The following MYH2 variants were observed in gnomAD, a reference collection of about 807,000 sequenced individuals.
MYH2 encodes myosin heavy chain 2.
MYH2 carries 139 observed loss-of-function variants against 228.1 expected under a neutral mutation model. That is an observed-to-expected ratio of 0.61 (90% CI 0.53 to 0.70). The LOEUF (loss-of-function observed/expected upper bound fraction) is 0.70, where lower values mean the gene tolerates loss of function less well. Among genes scored for constraint, MYH2 ranks in the 30% least tolerant of loss-of-function variants. MYH2 has a pLI of 0.00. For synonymous variants in MYH2, 796 were observed against 871.1 expected, an observed-to-expected ratio of 0.91 and a Z score of 1.52; for missense variants, 1,809 against 2,357.5, an observed-to-expected ratio of 0.77 and a Z score of 4.82.
intron 23 of MYH2, 28 bp from the exon 24 acceptor site, chr17:10,529,768 T>A: frequency 6.2e-7 from 1 of 1,614,090 alleles, no homozygotes; most frequent in Non-Finnish European, 8.5e-7. Context: ...GCAGTTTAGT[T>A]GCTATAAAGC....
At position 10,531,869 on chromosome 17, in the gene MYH2, G is replaced by T; in HGVS notation, c.2461C>A (p.Gln821Lys). The T allele has an allele frequency of 6.2e-7, 1 of 1,614,068 alleles. No individual in the cohort carries two copies. The highest frequency in any genetic ancestry group is 1.1e-5 in the South Asian group (1 of 91,086). ...TTCATGAAGGATCTGATATTGTACTGGATACAGAAGATGGCCTCCCTGAAA... is the reference window on the plus strand; with the variant it reads ...TTCATGAAGGATCTGATATTGTACTTGATACAGAAGATGGCCTCCCTGAAA... ...VERREAIFCI[Q>K]YNIRSFMNVK... The change falls in exon 22 of 40, where the codon CAG becomes AAG. Residue 821 changes from glutamine to lysine, a missense_variant. Physicochemically the swap from Gln to Lys is moderately conservative, Grantham distance 53. Coordinates refer to ENST00000245503, the MANE Select transcript of MYH2 (RefSeq NM_017534.6).
chr17:10,525,880 G>T lies in MYH2; in HGVS notation c.4188-4C>A, dbSNP rs770677072. 1 of 1,613,906 alleles carries T rather than the reference G, an allele frequency of 6.2e-7. No homozygotes were observed. The highest frequency in any genetic ancestry group is 2.2e-5 in the East Asian group (1 of 44,872). On this transcript the variant is annotated splice_polypyrimidine_tract_variant and splice_region_variant and intron_variant, in intron 30 of 39. Coordinates refer to ENST00000245503, the MANE Select transcript of MYH2 (RefSeq NM_017534.6). This position sits in a 1 kb window ranked among gnomAD's most constrained non-coding sequence, Gnocchi z 4.2. ...CAGCCGCTGGGCCAGCTTCTTCCTT[G>T]AATATTATACATGTTTTCAGAGAGA... is the stretch of plus-strand genomic sequence containing the variant.
intron 10 of MYH2, among the ~76,000 whole-genome samples, chr17:10,541,776 C>A (rs2073558641): frequency 6.6e-6 from 1 of 152,176 alleles, no homozygotes; most frequent in African/African-American, 2.4e-5. Flanking sequence ...TGTACTCTTT[C>A]CCTTTATTTC....
chr17:10,541,180 A>C (rs1413842262), intron 10 of MYH2, among the ~76,000 whole-genome samples: 1 of 152,234 alleles, frequency 6.6e-6, no homozygotes, highest in African/African-American at 2.4e-5. Context: ...TCAGGGAACA[A>C]GGGAGATAAC....
intron 4 of MYH2, among the ~76,000 whole-genome samples, chr17:10,546,286 T>TATATATATATATAC (rs2073630864): frequency 7.1e-6 from 1 of 140,234 alleles, no homozygotes; most frequent in Non-Finnish European, 1.5e-5. Context: ...TATATATATA[T>TATATATATATATAC]ATACATCATG....
Position 10,530,008 on chromosome 17 carries a change from C to G in MYH2, c.2764G>C (p.Glu922Gln), listed in dbSNP as rs945784307. 6.2e-7 allele frequency: 1 copy of G among 1,614,042 alleles called. No individual in the cohort carries two copies. Among genetic ancestry groups the G allele is most frequent in the East Asian group, 2.2e-5 (1 of 44,890 alleles). Residue 922 changes from glutamate (E) to glutamine (Q), a missense_variant, in exon 23 of 40, where the codon GAA becomes CAA. Glu to Gln is a conservative substitution (Grantham distance 29, BLOSUM62 2). Coordinates refer to ENST00000245503, the MANE Select transcript of MYH2 (RefSeq NM_017534.6). ...TCAGTCACCTCTTTGATTTTGGCTT[C>G]TAGCTGGATTTTGGTTTTGATTAGC... ...DQLIKTKIQL[E>Q]AKIKEVTERA...
intron 39 of MYH2, among the ~76,000 whole-genome samples, chr17:10,522,594 AT>A (rs997237386): frequency 1.3e-5 from 2 of 151,768 alleles, no homozygotes; most frequent in Admixed American, 1.3e-4. Flanking sequence ...CTGTTTGTTT[AT>A]TTTTACTTTT....
chr17:10,547,546 T>G lies in MYH2; in HGVS notation c.277A>C (p.Met93Leu), dbSNP rs1452623578. The G allele has an allele frequency of 6.2e-7, 1 of 1,614,064 alleles. No individual in the cohort carries two copies. The highest frequency in any genetic ancestry group is 8.5e-7 in the Non-Finnish European group (1 of 1,180,026). The change falls in exon 4 of 40, where the codon ATG (methionine) becomes CTG (leucine). Residue 93 changes from methionine to leucine, a missense_variant. This residue lies in a region of MYH2 where 373 missense variants were observed against 620.4 expected (regional missense o/e 0.60). Coordinates refer to ENST00000245503, the MANE Select transcript of MYH2 (RefSeq NM_017534.6). The part of the protein sequence containing the change: ...PKYDKIEDMA[M>L]MTHLHEPAVL... The stretch of plus-strand genomic sequence containing the variant: ...GCAGGCTCATGCAGATGAGTCATCA[T>G]GGCCATATCCTCGATCTTGTCATAT...
chr17:10,529,502 A>G (rs775336902), intron 24 of MYH2, 21 bp from the exon 25 acceptor site: 7 of 1,614,222 alleles, frequency 4.3e-6, no homozygotes, highest in Admixed American at 1.7e-5. Flanking sequence ...ATTATGTTGA[A>G]TCAGAAGGAA....
intron 21 of MYH2, among the ~76,000 whole-genome samples, chr17:10,532,941 T>G (rs184567805): frequency 2.6e-4 from 40 of 152,336 alleles, no homozygotes; most frequent in Admixed American, 1.6e-3. Context: ...TTGAGTATAC[T>G]GTCTGTTTTG....
rs1359030357 is a variant in MYH2, at chr17:10,527,748, C to T, written c.3871G>A (p.Gly1291Ser). 2 of 1,614,050 alleles carry T rather than the reference C, an allele frequency of 1.2e-6. No homozygotes were observed. The highest frequency in any genetic ancestry group is 1.7e-6 in the Non-Finnish European group (2 of 1,180,026). The change falls in exon 28 of 40, where the codon GGT becomes AGT. Residue 1291 changes from glycine (G) to serine (S), a missense_variant and splice_region_variant. Coordinates refer to ENST00000245503, the MANE Select transcript of MYH2 (RefSeq NM_017534.6). ...GCTGCACAGAAGAGGGGAGAGTTAC[C>T]AGATTCAGTCTGCAGGCGCCCCCTC... is the stretch of plus-strand genomic sequence containing the variant. ...AQRGRLQTES[G>S]EFSRQLDEKE...
intron 16 of MYH2, 69 bp from the exon 17 acceptor site, chr17:10,536,675 T>A (rs2073485731): frequency 1.0e-5 from 15 of 1,455,120 alleles, no homozygotes; most frequent in Non-Finnish European, 1.2e-5. Flanking sequence ...ATTTGCTGAT[T>A]TCTGTGTTCA....
In MYH2 at chr17:10,527,737, G is replaced by T; in HGVS notation, c.3871+11C>A. The T allele has an allele frequency of 6.2e-7, 1 of 1,613,908 alleles. No individual in the cohort carries two copies. The highest frequency in any genetic ancestry group is 8.5e-7 in the Non-Finnish European group (1 of 1,180,002). ...TCCACCCTGAAGCTGCACAGAAGAGGGGAGAGTTACCAGATTCAGTCTGCA... is the reference window on the plus strand; with the variant it reads ...TCCACCCTGAAGCTGCACAGAAGAGTGGAGAGTTACCAGATTCAGTCTGCA... On this transcript the variant is annotated intron_variant, in intron 28 of 39. Transcript: ENST00000245503.
Position 10,537,596 on chromosome 17 carries a change from A to G in MYH2, c.1588-54T>C, listed in dbSNP as rs958682455. On this transcript the variant is annotated intron_variant, in intron 15 of 39. Transcript: ENST00000245503. The surrounding 1 kb of genome is among the most constrained non-coding windows in gnomAD (Gnocchi z 4.0). ...TACTTCTATTTTTTTTTCTGTCTAT[A>G]GAATTAAAATAAAAAGCAGCGAATA... The G allele has an allele frequency of 3.1e-6, 5 of 1,614,068 alleles. No individual in the cohort carries two copies. In the African/African-American group the frequency reaches 4.0e-5, roughly 13 times the overall value.
intron 5 of MYH2, among the ~76,000 whole-genome samples, chr17:10,545,102 A>T (rs1221084996): frequency 1.3e-5 from 2 of 152,116 alleles, no homozygotes; most frequent in Non-Finnish European, 2.9e-5. Context: ...ATTCAAAAGT[A>T]TACTAACTAA....
chr17:10,530,137 G>T, intron 22 of MYH2, 63 bp from the exon 23 acceptor site: 1 of 1,611,598 alleles, frequency 6.2e-7, no homozygotes, highest in Non-Finnish European at 8.5e-7. Flanking sequence ...ATGGATAAGA[G>T]TGTATGTTTC....
Position 10,537,910 on chromosome 17 carries a change from A to G in MYH2, c.1417-75T>C, listed in dbSNP as rs2073502672. Reference sequence around the variant, plus strand: ...TTAAAATACAGAACTTTTCCATTTTAAAAATATGTGTCCAAGAGCCTTTAT... The same window carrying G: ...TTAAAATACAGAACTTTTCCATTTTGAAAATATGTGTCCAAGAGCCTTTAT... On this transcript the variant is annotated intron_variant, in intron 14 of 39. Transcript: ENST00000245503. The surrounding 1 kb of genome is among the most constrained non-coding windows in gnomAD (Gnocchi z 4.0). 2 of 1,610,556 alleles carry G rather than the reference A, an allele frequency of 1.2e-6. No individual in the cohort carries two copies. Among genetic ancestry groups the G allele is most frequent in the Non-Finnish European group, 1.7e-6 (2 of 1,177,652 alleles).
In MYH2 at chr17:10,539,354, C is replaced by T. The variant is rs1433670000; in HGVS notation, c.1267G>A (p.Val423Met). 6.2e-6 allele frequency: 10 copies of T among 1,614,044 alleles called. No homozygotes were observed. The highest frequency in any genetic ancestry group is 2.7e-5 in the African/African-American group (2 of 74,924). The change falls in exon 14 of 40, where the codon GTG (valine) becomes ATG (methionine). Residue 423 changes from valine (V) to methionine (M), a missense_variant and splice_region_variant. This residue lies in a region of MYH2 where 373 missense variants were observed against 620.4 expected (regional missense o/e 0.60). Transcript: ENST00000245503. ...YVTKGQTVEQ[V>M]SNAVGALAKA... Reference sequence around the variant, plus strand: ...GCCAGAGCACCTACTGCGTTGGACACCTTAAAAGACAAAATTATAACTCTC... The same window carrying T: ...GCCAGAGCACCTACTGCGTTGGACATCTTAAAAGACAAAATTATAACTCTC...
At chr17:10,540,304 A>G (rs2073534968) in intron 11 of MYH2, among the ~76,000 whole-genome samples, 2 of 151,950 alleles carry the variant, frequency 1.3e-5, no homozygotes, top group Admixed American at 6.6e-5. Flanking sequence ...AAAGATAGTA[A>G]ATCTAAGGAA....
Sources: allele counts gnomAD v4.1 joint callset (sites outside exome capture counted in the v4.1 genomes callset), GRCh38; gene constraint gnomAD v4.1.1; regional missense constraint gnomAD v4.1.1; non-coding constraint Gnocchi (gnomAD v3.1); transcripts MANE v1.5; gene names NCBI Gene and HGNC (gene_info 2026-07-23, HGNC 2026-07-21).